Variants in PPP2R2C observed in about 807,000 individuals in gnomAD.
PPP2R2C encodes the protein protein phosphatase 2, regulatory subunit B, gamma.
In PPP2R2C, 10 loss-of-function variants were observed where a neutral mutation model predicts 45.3. The ratio of observed to expected loss-of-function variants is 0.22; its 90% CI spans 0.14 to 0.37. The LOEUF (loss-of-function observed/expected upper bound fraction) is 0.37, where lower values mean the gene tolerates loss of function less well. PPP2R2C is among the 10% of genes least tolerant of loss of function. PPP2R2C has a pLI of 1.00. For synonymous variants in PPP2R2C, 257 were observed against 245.4 expected (o/e 1.05, Z -0.44); for missense variants, 308 against 619.7 (o/e 0.50, Z 5.34).
intron 5 of PPP2R2C, among the ~76,000 whole-genome samples, chr4:6,359,543 C>T (rs1049638049): frequency 8.6e-5 from 13 of 151,172 alleles, no homozygotes; most frequent in African/African-American, 1.5e-4. Flanking sequence ...GATAATATTT[C>T]GGGTATATTT....
At chr4:6,512,725 A>T (rs1332429933) in intron 2 of PPP2R2C, among the ~76,000 whole-genome samples, 3 of 151,796 alleles carry the variant, frequency 2.0e-5, no homozygotes, top group African/African-American at 7.3e-5. Context: ...AATTACAATG[A>T]TGCCAATGGT....
chr4:6,431,327 A>G (rs1048966055), intron 1 of PPP2R2C, among the ~76,000 whole-genome samples: 3 of 152,188 alleles, frequency 2.0e-5, no homozygotes, highest in Non-Finnish European at 4.4e-5. Context: ...TTAAGCAATC[A>G]ACCTCAAAAG....
At chr4:6,403,303 G>C (rs540362568) in intron 1 of PPP2R2C, among the ~76,000 whole-genome samples, 2 of 152,218 alleles carry the variant, frequency 1.3e-5, no homozygotes, top group Admixed American at 1.3e-4. Flanking sequence ...TGCTGGGAGC[G>C]GAGCGGAGCC....
intron 5 of PPP2R2C, chr4:6,349,378 C>T: frequency 1.0e-6 from 1 of 971,190 alleles, no homozygotes; most frequent in Non-Finnish European, 1.2e-6. Flanking sequence ...AATGAGTCAG[C>T]AGTATAGCCT....
chr4:6,382,326 T>G lies in PPP2R2C; in HGVS notation c.71-1232A>C, dbSNP rs185145569. 5 of 1,293,556 alleles carry G rather than the reference T, an allele frequency of 3.9e-6. No individual in the cohort carries two copies. In the Admixed American group the frequency reaches 1.1e-4, roughly 30 times the overall value. 80.1% of individuals were successfully genotyped at this position (1,293,556 alleles called of 1,614,324 possible). A position where few individuals can be genotyped will look rare whatever the true frequency, so the allele number is the denominator to read the frequency against. ...GTCTCCAAAATCTGTGATACCACCTTTAGCAAAATGGATCTACTTTCAAAC... is the reference window on the plus strand; with the variant it reads ...GTCTCCAAAATCTGTGATACCACCTGTAGCAAAATGGATCTACTTTCAAAC... On this transcript the variant is annotated intron_variant, in intron 1 of 8. Coordinates refer to ENST00000382599, the MANE Select transcript of PPP2R2C (RefSeq NM_020416.4).
intron 1 of PPP2R2C, among the ~76,000 whole-genome samples, chr4:6,403,153 C>G (rs1051913216): frequency 4.6e-5 from 7 of 152,218 alleles, no homozygotes; most frequent in African/African-American, 1.7e-4. Flanking sequence ...TGCCTCCCCA[C>G]GTGGGTGGGA....
intron 1 of PPP2R2C, among the ~76,000 whole-genome samples, chr4:6,445,178 G>T (rs1374580999): frequency 6.6e-6 from 1 of 151,450 alleles, no homozygotes; most frequent in African/African-American, 2.4e-5. Flanking sequence ...GACAGAGTGA[G>T]ACCCTGTCTC....
intron 1 of PPP2R2C, among the ~76,000 whole-genome samples, chr4:6,559,429 A>G (rs1725507315): frequency 6.8e-6 from 1 of 146,308 alleles, no homozygotes; most frequent in South Asian, 2.2e-4. Flanking sequence ...ACACACACAC[A>G]CAGAACAGAG....
At chr4:6,466,239 C>T (rs180829247) in intron 1 of PPP2R2C, among the ~76,000 whole-genome samples, 133 of 152,324 alleles carry the variant, frequency 8.7e-4, no homozygotes, top group African/African-American at 2.7e-3. Flanking sequence ...ACTCGCCTGC[C>T]ACACGTACCC....
At chr4:6,528,941 T>C (rs73209712) in intron 2 of PPP2R2C, among the ~76,000 whole-genome samples, 17,391 of 152,258 alleles carry the variant, frequency 0.11, 1,083 homozygotes, top group African/African-American at 0.13. Context: ...TCAGCCGGCC[T>C]GCAACCAGGT....
intron 2 of PPP2R2C, among the ~76,000 whole-genome samples, chr4:6,481,052 G>A (rs1407011555): frequency 2.6e-5 from 4 of 152,172 alleles, no homozygotes; most frequent in African/African-American, 9.7e-5. Context: ...ATCCTCTGCT[G>A]TTTATATGTG....
chr4:6,554,732 C>T (rs1386991830), intron 1 of PPP2R2C, among the ~76,000 whole-genome samples: 1 of 151,634 alleles, frequency 6.6e-6, no homozygotes, highest in African/African-American at 2.4e-5. Flanking sequence ...TGGTGGTGCA[C>T]ACCTGTAATC....
chr4:6,355,230 G>A (rs1434493337), intron 5 of PPP2R2C, among the ~76,000 whole-genome samples: 7 of 151,920 alleles, frequency 4.6e-5, no homozygotes, highest in African/African-American at 1.7e-4. Flanking sequence ...AGCCCATTGT[G>A]GTCCCCTCTG....
chr4:6,477,541 A>G (rs1160994789), upstream of PPP2R2C, among the ~76,000 whole-genome samples: 10 of 151,948 alleles, frequency 6.6e-5, no homozygotes, highest in South Asian at 4.2e-4. Flanking sequence ...CCTGGCTAAC[A>G]CGGTGAAACC....
chr4:6,525,971 G>T (rs1279735776), intron 2 of PPP2R2C, among the ~76,000 whole-genome samples: 1 of 152,172 alleles, frequency 6.6e-6, no homozygotes, highest in Non-Finnish European at 1.5e-5. Context: ...CAAAGTGCTG[G>T]GATTACAGCA....
chr4:6,350,535 C>T (rs1416443010), intron 5 of PPP2R2C: 6 of 985,234 alleles, frequency 6.1e-6, no homozygotes, highest in South Asian at 4.7e-5. Flanking sequence ...GTTCTGTTTG[C>T]GTCATCAGGA....
chr4:6,535,322 TG>T (rs1724570131), exon 2 of PPP2R2C: 2 of 1,535,258 alleles, frequency 1.3e-6, no homozygotes, highest in African/African-American at 2.7e-5. Context: ...TCACGCATCC[TG>T]AGAGAGGTGA....
Sources: allele counts gnomAD v4.1 joint callset (sites outside exome capture counted in the v4.1 genomes callset), GRCh38; gene constraint gnomAD v4.1.1; transcripts MANE v1.5; gene names NCBI Gene and HGNC (gene_info 2026-07-23, HGNC 2026-07-21).